The following RPS6KA5 variants were observed in gnomAD, a reference collection of about 807,000 sequenced individuals.
The protein encoded by RPS6KA5 is ribosomal protein S6 kinase alpha-5.
In RPS6KA5, 27 loss-of-function variants were observed where a neutral mutation model predicts 85.5. The observed-to-expected ratio is 0.32, with a 90% CI of 0.23 to 0.44. RPS6KA5 has a LOEUF of 0.44. Among genes scored for constraint, RPS6KA5 ranks in the 20% least tolerant of loss-of-function variants. The pLI is 1.00. For synonymous variants in RPS6KA5, 334 were observed against 348.2 expected (o/e 0.96, Z 0.46); for missense variants, 811 against 980.9 (o/e 0.83, Z 2.31).
chr14:91,025,768 T>G (rs2041966550), intron 1 of RPS6KA5, among the ~76,000 whole-genome samples: 1 of 150,386 alleles, frequency 6.6e-6, no homozygotes, highest in Non-Finnish European at 1.5e-5. Flanking sequence ...TCCATCTCCA[T>G]CTGCCCTCAG....
At chr14:90,934,546 T>C (rs1424228156) in intron 5 of RPS6KA5, among the ~76,000 whole-genome samples, 1 of 152,162 alleles carries the variant, frequency 6.6e-6, no homozygotes, top group Non-Finnish European at 1.5e-5. Context: ...TAAAAACACA[T>C]ATTTAACATT....
chr14:90,886,013 G>A (rs1468996320), intron 14 of RPS6KA5, among the ~76,000 whole-genome samples: 1 of 151,740 alleles, frequency 6.6e-6, no homozygotes, highest in Non-Finnish European at 1.5e-5. Flanking sequence ...ATCTGTTAAG[G>A]ATAACTTTGT....
In RPS6KA5 at chr14:90,888,065, CT is replaced by C. The variant is rs376459214; in HGVS notation, c.1836+2421del. Among the ~76,000 whole-genome samples, 472 of 150,992 alleles carry C rather than the reference CT, an allele frequency of 3.1e-3. 4 individuals carry two copies. The highest frequency in any genetic ancestry group is 0.022 in the East Asian group (115 of 5,160). ...TTTCATCTATAAGTTCTCAGTTTAC[CT>C]TTTTTTACCATTTATTTGTTGAACA... On this transcript the variant is annotated intron_variant, in intron 14 of 16. Coordinates refer to ENST00000614987, the MANE Select transcript of RPS6KA5 (RefSeq NM_004755.4).
At chr14:91,002,136 G>A (rs1471340115) in intron 1 of RPS6KA5, among the ~76,000 whole-genome samples, 1 of 152,120 alleles carries the variant, frequency 6.6e-6, no homozygotes, top group African/African-American at 2.4e-5. Flanking sequence ...AAAGCTGTGT[G>A]ACCTTGACAA....
At chr14:90,974,037 CA>C (rs56212923) in intron 3 of RPS6KA5, among the ~76,000 whole-genome samples, 1,990 of 61,312 alleles carry the variant, frequency 0.032, 26 homozygotes, top group African/African-American at 0.11. Flanking sequence ...GACTCCATCT[CA>C]AAAAAAAAAA....
chr14:90,994,634 T>G (rs916833813), intron 2 of RPS6KA5, among the ~76,000 whole-genome samples: 5 of 145,694 alleles, frequency 3.4e-5, no homozygotes, highest in African/African-American at 1.3e-4. Flanking sequence ...TGCAGTGGTG[T>G]GATCTCAGCT....
rs1446068349 is a variant in RPS6KA5, at chr14:90,865,490, G to A, written c.*6584C>T. The A allele has an allele frequency of 1.3e-5, 2 of 152,190 alleles. No homozygotes were observed. Among genetic ancestry groups the A allele is most frequent in the Admixed American group, 1.3e-4 (2 of 15,272 alleles). The allele number at this position is 152,190 out of a possible 1,614,324, so 9.4% of individuals were successfully genotyped here. A position where few individuals can be genotyped will look rare whatever the true frequency, so the allele number is the denominator to read the frequency against. ...GGTCAGAGTGGTGGTTATGTATGAG[G>A]ACTGACTGGGAGCCTCATCTTGATC... On this transcript the variant is annotated 3_prime_UTR_variant, in exon 17 of 17. Coordinates refer to ENST00000614987, the MANE Select transcript of RPS6KA5 (RefSeq NM_004755.4).
chr14:90,901,196 C>T (rs2035150242), intron 9 of RPS6KA5, among the ~76,000 whole-genome samples: 2 of 152,088 alleles, frequency 1.3e-5, no homozygotes, highest in Admixed American at 6.5e-5. Flanking sequence ...CTTCTGCCTC[C>T]TGCGTTCAAG....
intron 14 of RPS6KA5, among the ~76,000 whole-genome samples, chr14:90,884,702 C>G (rs1363265821): frequency 6.6e-6 from 1 of 152,212 alleles, no homozygotes; most frequent in Non-Finnish European, 1.5e-5. Flanking sequence ...AGCATCCTCT[C>G]TTTAAAATAT....
chr14:91,022,655 C>T (rs1056800028), intron 1 of RPS6KA5, among the ~76,000 whole-genome samples: 1 of 152,186 alleles, frequency 6.6e-6, no homozygotes, highest in Non-Finnish European at 1.5e-5. Flanking sequence ...CTGTGTGTTA[C>T]ATTTCAAGGA....
At chr14:90,900,845 T>C (rs988892830) in intron 9 of RPS6KA5, 109 bp from the exon 10 acceptor site, 14 of 824,232 alleles carry the variant, frequency 1.7e-5, no homozygotes, top group Non-Finnish European at 2.4e-5. Context: ...CAAATATTTG[T>C]TGAGATGAGT....
At chr14:91,049,002 G>T (rs1470691222) in intron 1 of RPS6KA5, among the ~76,000 whole-genome samples, 2 of 152,182 alleles carry the variant, frequency 1.3e-5, no homozygotes, top group African/African-American at 4.8e-5. Flanking sequence ...AGAGGTTAAT[G>T]TTGGGTCTGA....
intron 3 of RPS6KA5, 93 bp from the exon 4 acceptor site, chr14:90,947,643 CT>C: frequency 1.4e-6 from 1 of 719,074 alleles, no homozygotes; most frequent in South Asian, 1.7e-5. Flanking sequence ...CCATAAGGCA[CT>C]GATTTTAATA....
rs149057620 is a variant in RPS6KA5 at position 90,981,039 on chromosome 14, C to T, written c.176-2515G>A. Among the ~76,000 whole-genome samples the T allele has an allele frequency of 3.5e-3, 529 of 152,248 alleles. 4 individuals are homozygous for T. The highest frequency in any genetic ancestry group is 0.012 in the African/African-American group (488 of 41,536). On this transcript the variant is annotated intron_variant, in intron 2 of 16. Coordinates refer to ENST00000614987, the MANE Select transcript of RPS6KA5 (RefSeq NM_004755.4). ...ACACAAAATTAGCCGAGCATGGTGG[C>T]CTATGCCTGTAATCCCAGCTCCTCG...
intron 12 of RPS6KA5, among the ~76,000 whole-genome samples, chr14:90,897,966 G>A (rs531788363): frequency 3.3e-5 from 5 of 152,292 alleles, no homozygotes; most frequent in African/African-American, 1.2e-4. Context: ...GAGGCAAGAG[G>A]AGGTAGAGGA....
rs370587714 is a variant in RPS6KA5 at position 90,872,267 on chromosome 14, G to T, written c.2216C>A (p.Pro739His). The change falls in exon 17 of 17, where the codon CCT becomes CAT. Residue 739 changes from proline (P) to histidine (H), a missense_variant. This residue lies in a region of RPS6KA5 where 650 missense variants were observed against 793.4 expected (regional missense o/e 0.82). Transcript: ENST00000614987. ...GFCLQNVDKA[P>H]LAKRRKMKKT... ...TTTCATTTTTCTTCTCTTAGCCAAA[G>T]GGGCCTTATCAACATTCTGAAGGCA... 8.1e-6 allele frequency: 13 copies of T among 1,613,974 alleles called. No individual in the cohort carries two copies. The highest frequency in any genetic ancestry group is 4.2e-6 in the Non-Finnish European group (5 of 1,179,994).
At chr14:91,028,997 T>C (rs1256966413) in intron 1 of RPS6KA5, among the ~76,000 whole-genome samples, 4 of 152,220 alleles carry the variant, frequency 2.6e-5, no homozygotes, top group Admixed American at 1.3e-4. Context: ...ATTTAATTTT[T>C]TATTTATAGT....
intron 9 of RPS6KA5, among the ~76,000 whole-genome samples, chr14:90,901,381 A>C (rs2035161461): frequency 6.6e-6 from 1 of 152,248 alleles, no homozygotes; most frequent in Non-Finnish European, 1.5e-5. Flanking sequence ...CCCAGCCACA[A>C]AGTGGTCTTT....
intron 1 of RPS6KA5, among the ~76,000 whole-genome samples, chr14:91,030,632 A>AAAAAAAAAAAAAAAAAAC (rs2042152125): frequency 6.8e-6 from 1 of 148,092 alleles, no homozygotes; most frequent in Non-Finnish European, 1.5e-5. Context: ...AAAAAAAAAA[A>AAAAAAAAAAAAAAAAAAC]AAAAAAAGGA....
Sources: allele counts gnomAD v4.1 joint callset (sites outside exome capture counted in the v4.1 genomes callset), GRCh38; gene constraint gnomAD v4.1.1; regional missense constraint gnomAD v4.1.1; transcripts MANE v1.5; gene names NCBI Gene and HGNC (gene_info 2026-07-23, HGNC 2026-07-21).